Variants in ANKFN1 observed in about 807,000 individuals in gnomAD.
ANKFN1 encodes ankyrin repeat and fibronectin type-III domain-containing protein 1.
ANKFN1 carries 74 observed loss-of-function variants against 108.7 expected under a neutral mutation model. That is an observed-to-expected ratio of 0.68 (90% confidence interval 0.56 to 0.83). The LOEUF (loss-of-function observed/expected upper bound fraction) is 0.83. Ranked by LOEUF, ANKFN1 falls within the 40% of genes least tolerant of loss-of-function variation. The pLI is 0.00. For missense variants in ANKFN1, 1,505 were observed against 1,382.3 expected (o/e 1.09, Z -1.41); for synonymous variants, 547 against 516.2 (o/e 1.06, Z -0.81).
intron 14 of ANKFN1, among the ~76,000 whole-genome samples, chr17:56,465,027 C>A (rs1239179010): frequency 6.6e-6 from 1 of 152,076 alleles, no homozygotes; most frequent in Non-Finnish European, 1.5e-5. Context: ...GTTTGAAATC[C>A]CACTACAGCA....
At chr17:56,264,367 C>A (rs2043596052) in intron 3 of ANKFN1, among the ~76,000 whole-genome samples, 1 of 152,134 alleles carries the variant, frequency 6.6e-6, no homozygotes, top group South Asian at 2.1e-4. Context: ...CTGACATGGG[C>A]ATCTTTTGTG....
intron 8 of ANKFN1, among the ~76,000 whole-genome samples, chr17:56,384,516 A>G (rs1031912019): frequency 6.6e-6 from 1 of 152,230 alleles, no homozygotes; most frequent in Non-Finnish European, 1.5e-5. Context: ...GTATTCAATT[A>G]GGAAAAGAGG....
chr17:56,435,659 C>A (rs1291339431), intron 8 of ANKFN1, among the ~76,000 whole-genome samples: 1 of 151,988 alleles, frequency 6.6e-6, no homozygotes, highest in Non-Finnish European at 1.5e-5. Flanking sequence ...GTATATTCCT[C>A]CCGATGTGTG....
intron 3 of ANKFN1, among the ~76,000 whole-genome samples, chr17:56,272,781 C>T (rs1334427788): frequency 6.6e-6 from 1 of 152,200 alleles, no homozygotes; most frequent in Non-Finnish European, 1.5e-5. Context: ...CCATTTTACA[C>T]TCCCACCAAT....
At chr17:56,291,314 G>T (rs1290819862) in intron 3 of ANKFN1, among the ~76,000 whole-genome samples, 1 of 151,886 alleles carries the variant, frequency 6.6e-6, no homozygotes, top group Non-Finnish European at 1.5e-5. Context: ...ATATGGGATT[G>T]TCTATTTTGA....
intron 11 of ANKFN1, 23 bp from the exon 12 acceptor site, chr17:56,456,838 G>T: frequency 6.2e-7 from 1 of 1,601,414 alleles, no homozygotes; most frequent in South Asian, 1.1e-5. Flanking sequence ...AATTTATACT[G>T]TATTTTTTAA....
At chr17:56,453,444 A>G (rs1365272974) in intron 11 of ANKFN1, among the ~76,000 whole-genome samples, 6 of 152,166 alleles carry the variant, frequency 3.9e-5, no homozygotes, top group African/African-American at 1.4e-4. Context: ...TCTTGAATTA[A>G]ATCAGTCTTC....
chr17:56,417,044 T>C (rs2048260613), intron 8 of ANKFN1, among the ~76,000 whole-genome samples: 1 of 150,258 alleles, frequency 6.7e-6, no homozygotes. Context: ...ATAGAAGGAT[T>C]GTTACCAGAG....
In ANKFN1 at chr17:56,482,447, G is replaced by T; in HGVS notation, c.2183G>T (p.Cys728Phe). The T allele has an allele frequency of 6.2e-7, 1 of 1,613,694 alleles. No homozygotes were observed. The highest frequency in any genetic ancestry group is 8.5e-7 in the Non-Finnish European group (1 of 1,179,800). Residue 728 changes from cysteine to phenylalanine, a missense_variant, in exon 18 of 21, where the codon TGT (cysteine) becomes TTT (phenylalanine). Coordinates refer to ENST00000682825, the MANE Select transcript of ANKFN1 (RefSeq NM_001370326.1). The part of the protein sequence containing the change: ...LLLLPASDDV[C>F]TAPGQNNPYT... ...CTGCTCCCTGCCTCAGACGACGTCTGTACAGCCCCAGGACAGAATAATCCT... is the reference window on the plus strand; with the variant it reads ...CTGCTCCCTGCCTCAGACGACGTCTTTACAGCCCCAGGACAGAATAATCCT...
intron 3 of ANKFN1, among the ~76,000 whole-genome samples, chr17:56,307,257 C>A (rs2044857644): frequency 6.6e-6 from 1 of 152,108 alleles, no homozygotes; most frequent in Non-Finnish European, 1.5e-5. Context: ...AACTTCTGCA[C>A]AGCAAAAGAA....
intron 4 of ANKFN1, among the ~76,000 whole-genome samples, chr17:56,340,316 C>T (rs1468794460): frequency 6.6e-6 from 1 of 152,100 alleles, no homozygotes; most frequent in African/African-American, 2.4e-5. Context: ...AATTAGATCC[C>T]ACTTGTCAGT....
chr17:56,487,336 C>G (rs1171283348), intron 18 of ANKFN1, among the ~76,000 whole-genome samples: 1 of 152,114 alleles, frequency 6.6e-6, no homozygotes, highest in African/African-American at 2.4e-5. Flanking sequence ...GAAGGAAAAG[C>G]AGCATCATGA....
chr17:56,402,559 G>C (rs1050545481), intron 8 of ANKFN1, among the ~76,000 whole-genome samples: 1 of 151,960 alleles, frequency 6.6e-6, no homozygotes, highest in Non-Finnish European at 1.5e-5. Flanking sequence ...TCTTAGTGGG[G>C]TTATTTGGAT....
chr17:56,453,527 C>T (rs749760831), intron 11 of ANKFN1, among the ~76,000 whole-genome samples: 1 of 152,098 alleles, frequency 6.6e-6, no homozygotes, highest in Non-Finnish European at 1.5e-5. Context: ...GTCCTCTGTC[C>T]TGCTCCAGTC....
Position 56,388,185 on chromosome 17 carries a change from C to A in ANKFN1, c.910+13471C>A, listed in dbSNP as rs553518512. 7.9e-5 allele frequency among the ~76,000 whole-genome samples: 12 copies of A among 151,646 alleles called. No individual in the cohort carries two copies. In the East Asian group the frequency reaches 2.3e-3, roughly 29 times the overall value. On this transcript the variant is annotated intron_variant, in intron 8 of 20. Coordinates refer to ENST00000682825, the MANE Select transcript of ANKFN1 (RefSeq NM_001370326.1). Reference sequence around the variant, plus strand: ...ATGGAGTCTCACTCTGTCACCCAGGCTGGAGTTCGGTGGCATGATCTTGGC... The same window carrying A: ...ATGGAGTCTCACTCTGTCACCCAGGATGGAGTTCGGTGGCATGATCTTGGC...
In ANKFN1 at chr17:56,093,853, C is replaced by G. The variant is rs534424067; in HGVS notation, c.288+47528C>G. 2.0e-5 allele frequency among the ~76,000 whole-genome samples: 3 copies of G among 151,226 alleles called. 1 individual carries two copies. The highest frequency in any genetic ancestry group is 7.3e-5 in the African/African-American group (3 of 41,148). On this transcript the variant is annotated intron_variant, in intron 4 of 12. Coordinates refer to the ANKFN1 transcript ENST00000635860. ...GGTACCTGTTATAAGTTGAATTGTG[C>G]GCCCCAACCATTAGTATGTTGAAGT... is the stretch of plus-strand genomic sequence containing the variant.
At chr17:56,320,310 G>A (rs1377400571) in intron 3 of ANKFN1, among the ~76,000 whole-genome samples, 5 of 152,162 alleles carry the variant, frequency 3.3e-5, no homozygotes, top group Non-Finnish European at 7.3e-5. Context: ...GTCTAGTATA[G>A]TATCTTTGAC....
chr17:56,203,415 T>A (rs1184681812), intron 1 of ANKFN1, among the ~76,000 whole-genome samples: 3 of 152,218 alleles, frequency 2.0e-5, no homozygotes, highest in Non-Finnish European at 4.4e-5. Flanking sequence ...CTTTTCCGAC[T>A]GCCCTAGCCA....
intron 3 of ANKFN1, among the ~76,000 whole-genome samples, chr17:56,249,961 C>T (rs1057111111): frequency 2.6e-5 from 4 of 152,174 alleles, no homozygotes; most frequent in Non-Finnish European, 4.4e-5. Flanking sequence ...AAAAAACAAA[C>T]TTCTGTGGAA....
Sources: gnomAD v4.1 joint callset for allele counts (sites outside exome capture counted in the v4.1 genomes callset) on GRCh38, gnomAD v4.1.1 for gene constraint, MANE v1.5 for transcripts, NCBI Gene and HGNC (gene_info 2026-07-23, HGNC 2026-07-21) for gene names.